The following KLF11 variants were observed in gnomAD, a reference collection of about 807,000 sequenced individuals.
The protein encoded by KLF11 is KLF transcription factor 11.
KLF11 carries 26 observed loss-of-function variants against 29.9 expected under a neutral mutation model. The ratio of observed to expected loss-of-function variants is 0.87; its 90% CI spans 0.64 to 1.21. KLF11 has a LOEUF of 1.21. Among genes scored for constraint, KLF11 ranks in the 50% most tolerant of loss-of-function variants. The probability of loss-of-function intolerance (pLI) is 0.00; values close to 1 mark genes in which losing one functional copy is unlikely to be tolerated. For synonymous variants in KLF11, 318 were observed against 257.4 expected (o/e 1.24, Z -2.25); for missense variants, 778 against 665.7 (o/e 1.17, Z -1.86).
At position 10,052,621 on chromosome 2, in the gene KLF11, G is replaced by A; in HGVS notation, c.*114G>A. 1 of 1,016,520 alleles carries A rather than the reference G, an allele frequency of 9.8e-7. No individual in the cohort carries two copies. Among genetic ancestry groups the A allele is most frequent in the South Asian group, 1.4e-5 (1 of 72,290 alleles). The allele number at this position is 1,016,520 out of a possible 1,614,324, so 63.0% of individuals were successfully genotyped here. A position where few individuals can be genotyped will look rare whatever the true frequency, so the allele number is the denominator to read the frequency against. ...AAAAAAAACGGTCTTGGCGGCCTAG[G>A]GGAAGATCGGGGAGCTGGTTTTGAT... On this transcript the variant is annotated 3_prime_UTR_variant, in exon 4 of 4. Coordinates refer to ENST00000305883, the MANE Select transcript of KLF11 (RefSeq NM_003597.5).
Position 10,046,500 on chromosome 2 carries a change from A to C in KLF11, c.312+81A>C, listed in dbSNP as rs754634129. On this transcript the variant is annotated intron_variant, in intron 2 of 3. Coordinates refer to ENST00000305883, the MANE Select transcript of KLF11 (RefSeq NM_003597.5). ...TCAGTGTGTTGAAGAACTTGTGAGA[A>C]GATTCCCTGGGATGCTGGCAAATAA... 2.0e-4 allele frequency: 294 copies of C among 1,494,480 alleles called. 1 individual carries two copies. The highest frequency in any genetic ancestry group is 8.5e-4 in the Middle Eastern group (5 of 5,880). The allele number at this position is 1,494,480 out of a possible 1,614,324, so 92.6% of individuals were successfully genotyped here.
At position 10,043,926 on chromosome 2, in the gene KLF11, C is replaced by T. The variant is rs1480152418; in HGVS notation, c.42+168C>T. ...CGGGCTCCGGAGCCGGGCGGGGCGG[C>T]GGCCGCGACGGGCGCGCCCGGGTCG... On this transcript the variant is annotated intron_variant, in intron 1 of 3. Coordinates refer to ENST00000305883, the MANE Select transcript of KLF11 (RefSeq NM_003597.5). The T allele has an allele frequency of 1.1e-5, 11 of 1,006,450 alleles. No homozygotes were observed. The East Asian group carries it at 5.4e-4, about 49-fold the overall frequency. 62.3% of individuals were successfully genotyped at this position (1,006,450 alleles called of 1,614,324 possible).
chr2:10,052,170 T>C, intron 3 of KLF11, 57 bp from the exon 4 acceptor site: 5 of 1,544,298 alleles, frequency 3.2e-6, no homozygotes, highest in Non-Finnish European at 4.5e-6. Context: ...AATTAACCCC[T>C]TGAATAAGGT....
At position 10,046,141 on chromosome 2, in the gene KLF11, C is replaced by T. The variant is rs1661190310; in HGVS notation, c.43-9C>T. On this transcript the variant is annotated splice_polypyrimidine_tract_variant and intron_variant, in intron 1 of 3. Coordinates refer to ENST00000305883, the MANE Select transcript of KLF11 (RefSeq NM_003597.5). Reference sequence around the variant, plus strand: ...GCACTGAGAAGCCGTTGTGTTGTGTCGCCTTTAGGTTGACATCATGGACAT... The same window carrying T: ...GCACTGAGAAGCCGTTGTGTTGTGTTGCCTTTAGGTTGACATCATGGACAT... 1.2e-6 allele frequency: 2 copies of T among 1,613,164 alleles called. No homozygotes were observed. Among genetic ancestry groups the T allele is most frequent in the African/African-American group, 2.7e-5 (2 of 75,006 alleles).
At position 10,047,892 on chromosome 2, in the gene KLF11, C is replaced by G. The variant is rs1284742773; in HGVS notation, c.555C>G (p.Ala185=). Residue 185 remains alanine (A), a synonymous_variant, in exon 3 of 4, where the codon GCC becomes GCG. Coordinates refer to ENST00000305883, the MANE Select transcript of KLF11 (RefSeq NM_003597.5). ...GACACACTGGGGAGAGCCCTGCTGCCTGCTTTCCCACCATCCAGACTCCAG... is the reference window on the plus strand; with the variant it reads ...GACACACTGGGGAGAGCCCTGCTGCGTGCTTTCCCACCATCCAGACTCCAG... ...VIRHTGESPA[A]CFPTIQTPDC... The G allele has an allele frequency of 6.2e-7, 1 of 1,613,840 alleles. No individual in the cohort carries two copies. The highest frequency in any genetic ancestry group is 2.2e-5 in the East Asian group (1 of 44,876).
chr2:10,048,300 T>C lies in KLF11; in HGVS notation c.963T>C (p.Ala321=). 6.2e-7 allele frequency: 1 copy of C among 1,600,430 alleles called. No homozygotes were observed. Among genetic ancestry groups the C allele is most frequent in the Non-Finnish European group, 8.5e-7 (1 of 1,171,684 alleles). Residue 321 remains alanine, a synonymous_variant, in exon 3 of 4, where the codon GCT becomes GCC. Transcript: ENST00000305883. ...CTGTGAGACCCATCCTAGCTCAGGC[T>C]GCTCCAGCGCCTCAACCTGTGTTCG... The part of the protein sequence containing the change: ...VGTVRPILAQ[A]APAPQPVFVG...
chr2:10,052,689 G>A lies in KLF11; in HGVS notation c.*182G>A. The A allele has an allele frequency of 3.5e-6, 2 of 570,070 alleles. No individual in the cohort carries two copies. The highest frequency in any genetic ancestry group is 5.8e-5 in the East Asian group (2 of 34,316). The allele number at this position is 570,070 out of a possible 1,614,324, so 35.3% of individuals were successfully genotyped here. The stretch of plus-strand genomic sequence containing the variant: ...TCTTTTCCACTTGGGACCCTGTTCA[G>A]TATCTTTTGTAGTTTCAGAAGTTTT... On this transcript the variant is annotated 3_prime_UTR_variant, in exon 4 of 4. Coordinates refer to ENST00000305883, the MANE Select transcript of KLF11 (RefSeq NM_003597.5).
chr2:10,046,866 TAAAA>T (rs1400556618), intron 2 of KLF11, among the ~76,000 whole-genome samples: 1 of 152,058 alleles, frequency 6.6e-6, no homozygotes, highest in Non-Finnish European at 1.5e-5. Flanking sequence ...CAAAAAAAAA[TAAAA>T]GAACAAAAAA....
Position 10,046,374 on chromosome 2 carries a change from A to G in KLF11, c.267A>G (p.Ala89=), listed in dbSNP as rs772289549. 6.2e-7 allele frequency: 1 copy of G among 1,614,232 alleles called. No homozygotes were observed. The highest frequency in any genetic ancestry group is 8.5e-7 in the Non-Finnish European group (1 of 1,180,044). Residue 89 remains alanine (A), a synonymous_variant, in exon 2 of 4, where the codon GCA becomes GCG. Coordinates refer to ENST00000305883, the MANE Select transcript of KLF11 (RefSeq NM_003597.5). ...GDVTTTVHMD[A]ATPELPKDFH... Reference sequence around the variant, plus strand: ...TCACCACCACTGTGCATATGGATGCAGCCACACCTGAACTACCAAAAGACT... The same window carrying G: ...TCACCACCACTGTGCATATGGATGCGGCCACACCTGAACTACCAAAAGACT...
rs535582809 is a variant in KLF11, at chr2:10,044,005, G to C, written c.42+247G>C. ...GCGCAGCTTTGTCTTGCGCTTCCTG[G>C]GCGGCCCCGCCCCGCTGGCCCCGCG... On this transcript the variant is annotated intron_variant, in intron 1 of 3. Coordinates refer to ENST00000305883, the MANE Select transcript of KLF11 (RefSeq NM_003597.5). The C allele has an allele frequency of 1.0e-5, 8 of 767,942 alleles. No homozygotes were observed. In the Admixed American group the frequency reaches 1.8e-4, roughly 17 times the overall value. The allele number at this position is 767,942 out of a possible 1,614,324, so 47.6% of individuals were successfully genotyped here.
Position 10,043,646 on chromosome 2 carries a change from C to G in KLF11, c.-71C>G, listed in dbSNP as rs1661062454. The G allele has an allele frequency of 2.6e-6, 3 of 1,133,396 alleles. No individual in the cohort carries two copies. The highest frequency in any genetic ancestry group is 2.2e-6 in the Non-Finnish European group (2 of 903,038). 70.2% of individuals were successfully genotyped at this position (1,133,396 alleles called of 1,614,324 possible). A position where few individuals can be genotyped will look rare whatever the true frequency, so the allele number is the denominator to read the frequency against. On this transcript the variant is annotated 5_prime_UTR_variant, in exon 1 of 4. Coordinates refer to ENST00000305883, the MANE Select transcript of KLF11 (RefSeq NM_003597.5). ...TGCCGCCGCCGCCGCCGCCCGCAGC[C>G]CACGTGCGGCCGCTGCTGCGCCCGA...
Position 10,043,773 on chromosome 2 carries a change from T to G in KLF11, c.42+15T>G. On this transcript the variant is annotated intron_variant, in intron 1 of 3. Transcript: ENST00000305883. Reference sequence around the variant, plus strand: ...ACGCGCGCGCAGTGAGTGGTGGGGCTGCCGCGGCGGGACTACTCGTCTGAG... The same window carrying G: ...ACGCGCGCGCAGTGAGTGGTGGGGCGGCCGCGGCGGGACTACTCGTCTGAG... The G allele has an allele frequency of 7.3e-7, 1 of 1,370,064 alleles. No individual in the cohort carries two copies. The highest frequency in any genetic ancestry group is 9.6e-7 in the Non-Finnish European group (1 of 1,044,510). 84.9% of individuals were successfully genotyped at this position (1,370,064 alleles called of 1,614,324 possible).
intron 3 of KLF11, among the ~76,000 whole-genome samples, chr2:10,050,394 G>A (rs1163582852): frequency 7.6e-6 from 1 of 131,572 alleles, no homozygotes; most frequent in African/African-American, 2.9e-5. Flanking sequence ...GCGACAGAGC[G>A]AGACTCTTAT....
rs912224778 is a variant in KLF11, at chr2:10,053,782, C to T, written c.*1275C>T. On this transcript the variant is annotated 3_prime_UTR_variant, in exon 4 of 4. Coordinates refer to ENST00000305883, the MANE Select transcript of KLF11 (RefSeq NM_003597.5). ...ACGTAGATAACCGAGAGAATGTGGC[C>T]ACCTGTGTTCAAGAAGCCACTGATA... The T allele has an allele frequency of 1.5e-4, 28 of 182,866 alleles. No individual in the cohort carries two copies. Among genetic ancestry groups the T allele is most frequent in the African/African-American group, 6.3e-4 (27 of 42,794 alleles). The allele number at this position is 182,866 out of a possible 1,614,324, so 11.3% of individuals were successfully genotyped here.
In KLF11 at chr2:10,044,027, C is replaced by T. The variant is rs910795584; in HGVS notation, c.42+269C>T. 4 of 724,478 alleles carry T rather than the reference C, an allele frequency of 5.5e-6. No individual in the cohort carries two copies. In the South Asian group the frequency reaches 2.4e-4, roughly 44 times the overall value. 44.9% of individuals were successfully genotyped at this position (724,478 alleles called of 1,614,324 possible). A position where few individuals can be genotyped will look rare whatever the true frequency, so the allele number is the denominator to read the frequency against. On this transcript the variant is annotated intron_variant, in intron 1 of 3. Transcript: ENST00000305883. The stretch of plus-strand genomic sequence containing the variant: ...CTGGGCGGCCCCGCCCCGCTGGCCC[C>T]GCGGCTATTTCCAGCCATGACGTCA...
chr2:10,046,037 C>T (rs1661187430), intron 1 of KLF11, 113 bp from the exon 2 acceptor site: 4 of 1,166,334 alleles, frequency 3.4e-6, no homozygotes, highest in Non-Finnish European at 5.2e-6. Context: ...TAGACTATTG[C>T]ATGTGCATTA....
intron 2 of KLF11, 87 bp downstream of exon 2, chr2:10,046,506 C>T (rs1054340500): frequency 2.5e-5 from 36 of 1,453,592 alleles, no homozygotes; most frequent in Non-Finnish European, 3.2e-5. Context: ...GAGAAGATTC[C>T]CTGGGATGCT....
chr2:10,046,055 A>G (rs904235807), intron 1 of KLF11, 95 bp from the exon 2 acceptor site: 2 of 1,392,082 alleles, frequency 1.4e-6, no homozygotes, highest in Non-Finnish European at 2.0e-6. Flanking sequence ...TTACATGCCT[A>G]CTGTAGGCTT....
Position 10,052,595 on chromosome 2 carries a change from C to CAA in KLF11, c.*95_*96dup. The CAA allele has an allele frequency of 1.4e-6, 2 of 1,427,548 alleles. No homozygotes were observed. Among genetic ancestry groups the CAA allele is most frequent in the Non-Finnish European group, 1.9e-6 (2 of 1,036,704 alleles). 88.4% of individuals were successfully genotyped at this position (1,427,548 alleles called of 1,614,324 possible). A position where few individuals can be genotyped will look rare whatever the true frequency, so the allele number is the denominator to read the frequency against. ...TGGATTCCTCTCCCACTGCCTCACCCAAAAAAAACGGTCTTGGCGGCCTAG... is the reference window on the plus strand; with the variant it reads ...TGGATTCCTCTCCCACTGCCTCACCCAAAAAAAAAACGGTCTTGGCGGCCTAG... On this transcript the variant is annotated 3_prime_UTR_variant, in exon 4 of 4. Coordinates refer to ENST00000305883, the MANE Select transcript of KLF11 (RefSeq NM_003597.5).
Sources: allele counts gnomAD v4.1 joint callset (sites outside exome capture counted in the v4.1 genomes callset), GRCh38; gene constraint gnomAD v4.1.1; transcripts MANE v1.5; gene names NCBI Gene and HGNC (gene_info 2026-07-23, HGNC 2026-07-21).